Variants in TTC7A observed in about 807,000 individuals in gnomAD.
TTC7A encodes the protein tetratricopeptide repeat protein 7A.
A neutral mutation model predicts 103.7 loss-of-function variants in TTC7A; 110 were observed. The ratio of observed to expected loss-of-function variants is 1.06; its 90% CI spans 0.91 to 1.24. The LOEUF is 1.24. Among genes scored for constraint, TTC7A ranks in the 50% most tolerant of loss-of-function variants. The pLI is 0.00. For missense variants in TTC7A, 1,340 were observed against 1,116.3 expected, an observed-to-expected ratio of 1.20 and a Z score of -2.86; for synonymous variants, 521 against 467.9, an observed-to-expected ratio of 1.11 and a Z score of -1.47.
intron 13 of TTC7A, among the ~76,000 whole-genome samples, chr2:47,023,781 G>A (rs566774028): frequency 6.6e-6 from 1 of 152,100 alleles, no homozygotes; most frequent in Non-Finnish European, 1.5e-5. Context: ...AAAGCACCTT[G>A]CACAGTATCC....
chr2:46,941,750 G>C lies in TTC7A; in HGVS notation c.184+25G>C. The C allele has an allele frequency of 6.5e-7, 1 of 1,547,224 alleles. No homozygotes were observed. Among genetic ancestry groups the C allele is most frequent in the Non-Finnish European group, 8.7e-7 (1 of 1,145,676 alleles). On this transcript the variant is annotated intron_variant, in intron 1 of 19. Transcript: ENST00000319190. The surrounding 1 kb of genome is among the most constrained non-coding windows in gnomAD (Gnocchi z 4.2). ...GGTGAGTAAGGGAAGAGGCTGGCTC[G>C]CCGGCAGCGAGCGCGCGAAACGCAC...
At chr2:47,026,004 C>G (rs1679871034) in intron 14 of TTC7A, among the ~76,000 whole-genome samples, 1 of 152,242 alleles carries the variant, frequency 6.6e-6, no homozygotes, top group South Asian at 2.1e-4. Context: ...TTCAGTTATT[C>G]ATCCCTCTCT....
intron 2 of TTC7A, among the ~76,000 whole-genome samples, chr2:46,932,975 G>T (rs1201875247): frequency 6.6e-6 from 1 of 151,976 alleles, no homozygotes; most frequent in African/African-American, 2.4e-5. Context: ...TGAGTGGCCA[G>T]ACACTCAAGG....
At chr2:46,922,681 A>G (rs1345429364) in intron 2 of TTC7A, among the ~76,000 whole-genome samples, 2 of 151,950 alleles carry the variant, frequency 1.3e-5, no homozygotes, top group Non-Finnish European at 2.9e-5. Flanking sequence ...AGTTTCTCCC[A>G]TTCTCTCACT....
intron 15 of TTC7A, among the ~76,000 whole-genome samples, chr2:47,042,498 C>G (rs1445757193): frequency 2.0e-5 from 2 of 97,844 alleles, no homozygotes; most frequent in Non-Finnish European, 3.7e-5. Context: ...CAGACCTTGT[C>G]TCTTTAAAAA....
At chr2:46,986,401 G>T (rs896695490) in intron 5 of TTC7A, among the ~76,000 whole-genome samples, 1 of 152,166 alleles carries the variant, frequency 6.6e-6, no homozygotes. Flanking sequence ...CAGATGCCCC[G>T]CCCTCACTGC....
intron 11 of TTC7A, among the ~76,000 whole-genome samples, chr2:47,016,655 G>A (rs567572281): frequency 3.0e-4 from 45 of 152,364 alleles, no homozygotes; most frequent in African/African-American, 1.0e-3. Flanking sequence ...GATGAGCAAG[G>A]AAAGCCCGGT....
rs1464073737 is a variant in TTC7A at position 47,051,734 on chromosome 2, C to G, written c.2018-12C>G. 2 of 1,607,314 alleles carry G rather than the reference C, an allele frequency of 1.2e-6. No individual in the cohort carries two copies. The highest frequency in any genetic ancestry group is 2.2e-5 in the East Asian group (1 of 44,790). ...CTGACCACTGCTCGGCTCGTGCCCT[C>G]TTGCTCTGCAGGCTCCCGGCGGGCT... On this transcript the variant is annotated splice_polypyrimidine_tract_variant and intron_variant, in intron 17 of 19. Transcript: ENST00000319190.
chr2:46,984,184 G>A (rs983502224), intron 5 of TTC7A, among the ~76,000 whole-genome samples: 1 of 152,346 alleles, frequency 6.6e-6, no homozygotes, highest in South Asian at 2.1e-4. Context: ...CACAGGGCCC[G>A]GCTGACTTTC....
intron 3 of TTC7A, among the ~76,000 whole-genome samples, chr2:46,971,710 A>G (rs1200752891): frequency 6.6e-6 from 1 of 152,042 alleles, no homozygotes; most frequent in East Asian, 1.9e-4. Flanking sequence ...CATTAGGTGG[A>G]TGTTGGGGCT....
chr2:47,022,165 G>T (rs1199016277), intron 12 of TTC7A, among the ~76,000 whole-genome samples, 186 bp downstream of exon 12: 1 of 152,136 alleles, frequency 6.6e-6, no homozygotes. Context: ...GCGCCCCTCA[G>T]ACCCATTTCC....
intron 2 of TTC7A, among the ~76,000 whole-genome samples, chr2:46,921,724 C>G (rs1488920882): frequency 6.6e-6 from 1 of 152,162 alleles, no homozygotes; most frequent in East Asian, 1.9e-4. Flanking sequence ...GGGGGAGGGA[C>G]AATGGTTTCA....
intron 8 of TTC7A, among the ~76,000 whole-genome samples, chr2:47,004,181 C>T (rs1361661972): frequency 6.6e-6 from 1 of 152,200 alleles, no homozygotes; most frequent in Non-Finnish European, 1.5e-5. Context: ...TCCATGGGGG[C>T]ATGGGCAGCA....
chr2:47,019,272 C>T (rs1679020618), intron 11 of TTC7A, among the ~76,000 whole-genome samples: 2 of 152,072 alleles, frequency 1.3e-5, no homozygotes, highest in African/African-American at 4.8e-5. Flanking sequence ...TTGGGTCACA[C>T]CTGTAATCCC....
chr2:46,939,323 G>A (rs1022472427), upstream of TTC7A, among the ~76,000 whole-genome samples: 1 of 152,104 alleles, frequency 6.6e-6, no homozygotes, highest in East Asian at 1.9e-4. Context: ...GGGAGGCCAA[G>A]GTGGGTTCTT....
Position 47,073,703 on chromosome 2 carries a change from G to C in TTC7A, c.2357G>C (p.Gly786Ala). The C allele has an allele frequency of 1.2e-6, 2 of 1,613,852 alleles. No individual in the cohort carries two copies. The highest frequency in any genetic ancestry group is 2.2e-5 in the South Asian group (2 of 91,072). Residue 786 changes from glycine (G) to alanine (A), a missense_variant and splice_region_variant, in exon 20 of 20, where the codon GGT becomes GCT. Coordinates refer to ENST00000319190, the MANE Select transcript of TTC7A (RefSeq NM_020458.4). Reference protein sequence around the residue: ...PDGVRIMHSLGLMLSRLGHKS... With the variant: ...PDGVRIMHSLALMLSRLGHKS... ...CCCTGCCCTGTGCTTCGTCCACAGGGTCTGATGCTGAGTCGGCTGGGCCAC... is the reference window on the plus strand; with the variant it reads ...CCCTGCCCTGTGCTTCGTCCACAGGCTCTGATGCTGAGTCGGCTGGGCCAC...
intron 2 of TTC7A, among the ~76,000 whole-genome samples, chr2:46,924,908 T>A (rs77828921): frequency 0.012 from 1,795 of 152,358 alleles, 41 homozygotes; most frequent in African/African-American, 0.04. Context: ...ATTATGAGCG[T>A]GAGCCAGCCT....
At chr2:46,948,232 G>A (rs2103950670) in intron 1 of TTC7A, among the ~76,000 whole-genome samples, 1 of 152,314 alleles carries the variant, frequency 6.6e-6, no homozygotes, top group Non-Finnish European at 1.5e-5. Context: ...TTTAGGCTCT[G>A]ACTTCAAACC....
chr2:47,035,888 C>G (rs983716646), intron 15 of TTC7A, among the ~76,000 whole-genome samples: 3 of 152,164 alleles, frequency 2.0e-5, no homozygotes, highest in Middle Eastern at 3.2e-3. Flanking sequence ...GGGAGATCTT[C>G]AGGTCCCTGG....
Sources: allele counts gnomAD v4.1 joint callset (sites outside exome capture counted in the v4.1 genomes callset), GRCh38; gene constraint gnomAD v4.1.1; non-coding constraint Gnocchi (gnomAD v3.1); transcripts MANE v1.5; gene names NCBI Gene and HGNC (gene_info 2026-07-23, HGNC 2026-07-21).